Variants in MED13L observed in about 807,000 individuals in gnomAD.
MED13L encodes the protein mediator of RNA polymerase II transcription subunit 13-like.
A neutral mutation model predicts 220.9 loss-of-function variants in MED13L; 7 were observed. The ratio of observed to expected loss-of-function variants is 0.03; its 90% confidence interval spans 0.02 to 0.06. The LOEUF (loss-of-function observed/expected upper bound fraction) is 0.06, where lower values mean the gene tolerates loss of function less well. MED13L is among the 10% of genes least tolerant of loss of function. The probability of loss-of-function intolerance (pLI) is 1.00; values close to 1 mark genes in which losing one functional copy is unlikely to be tolerated. For synonymous variants in MED13L, 1,011 were observed against 1,015.2 expected, an observed-to-expected ratio of 1.00 and a Z score of 0.08; for missense variants, 1,965 against 2,760.5, an observed-to-expected ratio of 0.71 and a Z score of 6.46.
At chr12:116,182,279 A>G (rs1212666595) in intron 2 of MED13L, among the ~76,000 whole-genome samples, 1 of 152,212 alleles carries the variant, frequency 6.6e-6, no homozygotes, top group Non-Finnish European at 1.5e-5. Flanking sequence ...GGCTCTTGAC[A>G]TCGTGCAGAA....
intron 1 of MED13L, among the ~76,000 whole-genome samples, chr12:116,238,999 G>A (rs1298799629): frequency 6.6e-6 from 1 of 152,162 alleles, no homozygotes; most frequent in Admixed American, 6.5e-5. Context: ...GGAGGCTGAG[G>A]CACAAGAATT....
At chr12:116,232,062 G>A (rs1045013432) in intron 2 of MED13L, 9 of 982,778 alleles carry the variant, frequency 9.2e-6, no homozygotes, top group East Asian at 1.1e-4. Flanking sequence ...ATCTTACACC[G>A]TGGTCACTGT....
intron 7 of MED13L, 69 bp downstream of exon 7, chr12:116,019,155 T>G: frequency 1.3e-6 from 2 of 1,487,512 alleles, no homozygotes; most frequent in Admixed American, 2.0e-5. Flanking sequence ...TCTCACCTGT[T>G]CCATGGCAGG....
At chr12:116,049,104 A>C (rs1201322197) in intron 4 of MED13L, among the ~76,000 whole-genome samples, 1 of 152,220 alleles carries the variant, frequency 6.6e-6, no homozygotes, top group Non-Finnish European at 1.5e-5. Context: ...AACAGGTTAC[A>C]GTATTAACAT....
chr12:116,266,235 CG>C (rs1385367263), intron 1 of MED13L, among the ~76,000 whole-genome samples: 2 of 152,118 alleles, frequency 1.3e-5, no homozygotes, highest in Non-Finnish European at 2.9e-5. Context: ...ATTTAGCAAA[CG>C]TAATAGCCAG....
At chr12:116,074,717 T>G (rs1412875704) in intron 4 of MED13L, among the ~76,000 whole-genome samples, 1 of 152,222 alleles carries the variant, frequency 6.6e-6, no homozygotes, top group Non-Finnish European at 1.5e-5. Flanking sequence ...AGATTCAAAT[T>G]GATTGGACAC....
At chr12:116,125,295 T>A (rs1224624748) in intron 2 of MED13L, among the ~76,000 whole-genome samples, 1 of 152,164 alleles carries the variant, frequency 6.6e-6, no homozygotes, top group Admixed American at 6.5e-5. Flanking sequence ...TACAGTGTGA[T>A]CCCATCTCAA....
intron 30 of MED13L, among the ~76,000 whole-genome samples, chr12:115,963,122 C>T (rs540814400): frequency 1.3e-5 from 2 of 152,200 alleles, no homozygotes; most frequent in Non-Finnish European, 2.9e-5. Flanking sequence ...TAACTATCCA[C>T]CCCCAAGATC....
At chr12:116,243,504 CCTAA>C (rs1180544770) in intron 1 of MED13L, among the ~76,000 whole-genome samples, 3 of 152,074 alleles carry the variant, frequency 2.0e-5, no homozygotes, top group African/African-American at 7.2e-5. Context: ...AAATGCACTT[CCTAA>C]CTGACATGAA....
At position 115,959,286 on chromosome 12, in the gene MED13L, G is replaced by GT. The variant is rs1305097830; in HGVS notation, c.*1979dup. 2 of 151,738 alleles carry GT rather than the reference G, an allele frequency of 1.3e-5. No homozygotes were observed. The highest frequency in any genetic ancestry group is 2.9e-5 in the Non-Finnish European group (2 of 67,866). 9.4% of individuals were successfully genotyped at this position (151,738 alleles called of 1,614,324 possible). The stretch of plus-strand genomic sequence containing the variant: ...ACCCTTTGCTGCCATTTTTTTTAAA[G>GT]TTTTTTTGTAGGGGTTTTTTATTTT... On this transcript the variant is annotated 3_prime_UTR_variant, in exon 31 of 31. Transcript: ENST00000281928.
chr12:116,089,208 T>C (rs1279174272), intron 4 of MED13L, among the ~76,000 whole-genome samples: 2 of 152,212 alleles, frequency 1.3e-5, no homozygotes, highest in Non-Finnish European at 2.9e-5. Flanking sequence ...CACACCATAG[T>C]AGTGTTCACT....
rs1022251201 is a variant in MED13L, at chr12:116,101,323, T to C, written c.396-4571A>G. On this transcript the variant is annotated intron_variant, in intron 3 of 30. Transcript: ENST00000281928. Reference sequence around the variant, plus strand: ...TGATAATATTCAACAAATATTTAAGTGCCCACTATGTAACATGCTTAAATG... The same window carrying C: ...TGATAATATTCAACAAATATTTAAGCGCCCACTATGTAACATGCTTAAATG... Among the ~76,000 whole-genome samples, 4 of 152,344 alleles carry C rather than the reference T, an allele frequency of 2.6e-5. No individual in the cohort carries two copies. In the East Asian group the frequency reaches 5.8e-4, roughly 22 times the overall value.
chr12:116,257,043 A>G (rs1350191662), intron 1 of MED13L, among the ~76,000 whole-genome samples: 1 of 152,226 alleles, frequency 6.6e-6, no homozygotes, highest in African/African-American at 2.4e-5. Context: ...TAAATCGTTT[A>G]GAGGTATACA....
At chr12:116,052,931 A>G (rs1393677727) in intron 4 of MED13L, among the ~76,000 whole-genome samples, 1 of 152,238 alleles carries the variant, frequency 6.6e-6, no homozygotes, top group Non-Finnish European at 1.5e-5. Flanking sequence ...CTGATGGGCA[A>G]CATATTAATA....
intron 2 of MED13L, among the ~76,000 whole-genome samples, chr12:116,170,039 G>A (rs544528775): frequency 6.6e-6 from 1 of 151,926 alleles, no homozygotes; most frequent in East Asian, 1.9e-4. Context: ...ACAAAAAATC[G>A]TATCAATGAA....
chr12:116,099,531 C>A (rs529629563), intron 3 of MED13L, among the ~76,000 whole-genome samples: 1 of 152,176 alleles, frequency 6.6e-6, no homozygotes, highest in South Asian at 2.1e-4. Flanking sequence ...TCAAAACAAC[C>A]ATTTATTCAG....
At chr12:116,009,259 T>C in intron 9 of MED13L, 127 bp from the exon 10 acceptor site, 1 of 861,712 alleles carries the variant, frequency 1.2e-6, no homozygotes, top group East Asian at 2.6e-5. Context: ...TTTTTAATTA[T>C]ACTTATATAA....
intron 4 of MED13L, among the ~76,000 whole-genome samples, chr12:116,096,079 C>T (rs984295734): frequency 1.3e-5 from 2 of 151,814 alleles, no homozygotes; most frequent in African/African-American, 2.4e-5. Flanking sequence ...TGAGGCCGGG[C>T]GCAATGGCTC....
At chr12:116,043,678 T>C (rs576983060) in intron 4 of MED13L, among the ~76,000 whole-genome samples, 1 of 152,348 alleles carries the variant, frequency 6.6e-6, no homozygotes, top group African/African-American at 2.4e-5. Flanking sequence ...TGCATGCATG[T>C]ATCTATTTAT....
Sources: gnomAD v4.1 joint callset for allele counts (sites outside exome capture counted in the v4.1 genomes callset) on GRCh38, gnomAD v4.1.1 for gene constraint, MANE v1.5 for transcripts, NCBI Gene and HGNC (gene_info 2026-07-23, HGNC 2026-07-21) for gene names.